PRKCA: variants seen among roughly 807,000 people sequenced by gnomAD.
PRKCA encodes protein kinase C alpha type.
In PRKCA, 27 loss-of-function variants were observed where a neutral mutation model predicts 87.0. That is an observed-to-expected ratio of 0.31 (90% CI 0.23 to 0.43). PRKCA has a LOEUF of 0.43. Among genes scored for constraint, PRKCA ranks in the 20% least tolerant of loss-of-function variants. The pLI, the probability that PRKCA is intolerant of heterozygous loss-of-function variation, is 1.00. For missense variants in PRKCA, 518 were observed against 852.3 expected (o/e 0.61, Z 4.88); for synonymous variants, 329 against 311.1 (o/e 1.06, Z -0.61).
chr17:66,459,909 A>G (rs1335571901), intron 2 of PRKCA, among the ~76,000 whole-genome samples: 1 of 152,144 alleles, frequency 6.6e-6, no homozygotes, highest in Admixed American at 6.5e-5. Context: ...TACATGGTAC[A>G]TGTGCAGGAA....
chr17:66,577,795 T>G (rs1463484645), intron 3 of PRKCA, among the ~76,000 whole-genome samples: 1 of 152,174 alleles, frequency 6.6e-6, no homozygotes, highest in Admixed American at 6.5e-5. Flanking sequence ...CTGCCACATT[T>G]ATCCTTAGAT....
chr17:66,629,140 A>C (rs1265569793), intron 3 of PRKCA, among the ~76,000 whole-genome samples: 1 of 152,210 alleles, frequency 6.6e-6, no homozygotes, highest in East Asian at 1.9e-4. Flanking sequence ...GGAGGTACCT[A>C]AAGAGACAGT....
intron 2 of PRKCA, among the ~76,000 whole-genome samples, chr17:66,340,237 G>T (rs1824303221): frequency 6.6e-6 from 1 of 152,210 alleles, no homozygotes; most frequent in East Asian, 1.9e-4. Flanking sequence ...CAAAGCAATG[G>T]CCTTTTGCTT....
intron 3 of PRKCA, among the ~76,000 whole-genome samples, chr17:66,603,962 C>G (rs1281938435): frequency 6.6e-6 from 1 of 152,178 alleles, no homozygotes; most frequent in East Asian, 1.9e-4. Flanking sequence ...AGTTTTAAGA[C>G]TGAATAGTAT....
chr17:66,739,630 C>A (rs1837017092), intron 11 of PRKCA, among the ~76,000 whole-genome samples: 1 of 152,152 alleles, frequency 6.6e-6, no homozygotes, highest in African/African-American at 2.4e-5. Flanking sequence ...GGAAGTGCAA[C>A]CCCACGAAAT....
At chr17:66,635,281 G>A (rs1971121401) in intron 3 of PRKCA, among the ~76,000 whole-genome samples, 1 of 152,168 alleles carries the variant, frequency 6.6e-6, no homozygotes, top group Non-Finnish European at 1.5e-5. Flanking sequence ...GAATTTGGTA[G>A]CTATCAGGAG....
At chr17:66,706,739 A>G (rs1190011520) in intron 8 of PRKCA, among the ~76,000 whole-genome samples, 2 of 152,140 alleles carry the variant, frequency 1.3e-5, no homozygotes, top group East Asian at 1.9e-4. Context: ...TCTGGTGCCT[A>G]TAAATAGATT....
intron 14 of PRKCA, among the ~76,000 whole-genome samples, chr17:66,786,121 C>G (rs1409412318): frequency 2.6e-5 from 4 of 152,234 alleles, no homozygotes; most frequent in African/African-American, 4.8e-5. Flanking sequence ...AGCCACCGCG[C>G]CCGGCCTGGA....
intron 2 of PRKCA, among the ~76,000 whole-genome samples, chr17:66,350,301 G>A (rs187019285): frequency 2.3e-4 from 35 of 152,202 alleles, no homozygotes; most frequent in African/African-American, 7.5e-4. Flanking sequence ...CAAATGAGCC[G>A]TCTGAGTGGT....
At chr17:66,468,915 G>A (rs1915204822) in intron 2 of PRKCA, among the ~76,000 whole-genome samples, 1 of 152,126 alleles carries the variant, frequency 6.6e-6, no homozygotes, top group Non-Finnish European at 1.5e-5. Context: ...TGTCTTCCCA[G>A]CAGAAATGTT....
chr17:66,418,354 T>G (rs1395962987), intron 2 of PRKCA, among the ~76,000 whole-genome samples: 1 of 152,102 alleles, frequency 6.6e-6, no homozygotes, highest in Non-Finnish European at 1.5e-5. Flanking sequence ...TACCAAATAA[T>G]ATACAGTAAA....
chr17:66,801,663 G>A (rs1191693285), intron 16 of PRKCA, among the ~76,000 whole-genome samples: 2 of 152,206 alleles, frequency 1.3e-5, no homozygotes, highest in African/African-American at 2.4e-5. Flanking sequence ...TTGGCTTTGA[G>A]GTACTTTGTG....
chr17:66,398,206 A>T (rs905054540), intron 2 of PRKCA: 1 of 152,184 alleles, frequency 6.6e-6, no homozygotes, highest in African/African-American at 2.4e-5. Context: ...TCCAAGCTCA[A>T]TATCTCTGAG....
chr17:66,537,886 A>G (rs1008515996), intron 3 of PRKCA, among the ~76,000 whole-genome samples: 3 of 151,838 alleles, frequency 2.0e-5, no homozygotes, highest in Non-Finnish European at 4.4e-5. Flanking sequence ...GCTCACTGCA[A>G]TCTCCACCTC....
intron 2 of PRKCA, among the ~76,000 whole-genome samples, chr17:66,362,359 C>T (rs1908435949): frequency 6.6e-6 from 1 of 152,162 alleles, no homozygotes; most frequent in Non-Finnish European, 1.5e-5. Context: ...CTCTTTCTCA[C>T]CTGTACCTTT....
chr17:66,401,528 C>T (rs1398544226), intron 2 of PRKCA, among the ~76,000 whole-genome samples: 1 of 152,136 alleles, frequency 6.6e-6, no homozygotes, highest in South Asian at 2.1e-4. Context: ...AAGCTCATGA[C>T]GCATTCAGTG....
In PRKCA at chr17:66,360,288, C is replaced by A. The variant is rs191460906; in HGVS notation, c.205+54161C>A. Among the ~76,000 whole-genome samples the A allele has an allele frequency of 1.4e-4, 21 of 152,234 alleles. No individual in the cohort carries two copies. In the East Asian group the frequency reaches 3.9e-3, roughly 28 times the overall value. ...TGAGGGGGTGACAGTGGGTATTGAT[C>A]CAAGCCAGCCCGCCCTTACTTGGTT... On this transcript the variant is annotated intron_variant, in intron 2 of 16. Coordinates refer to ENST00000413366, the MANE Select transcript of PRKCA (RefSeq NM_002737.3).
At chr17:66,787,068 C>T (rs1975417963) in intron 15 of PRKCA, 94 bp downstream of exon 15, 1 of 971,168 alleles carries the variant, frequency 1.0e-6, no homozygotes, top group Admixed American at 1.7e-5. Flanking sequence ...GGCAGAAACA[C>T]CACAAACCCA....
rs141897886 is a variant in PRKCA, at chr17:66,677,838, T to A, written c.530-9273T>A. 2.0e-5 allele frequency among the ~76,000 whole-genome samples: 3 copies of A among 152,338 alleles called. No individual in the cohort carries two copies. In the East Asian group the frequency reaches 5.8e-4, roughly 29 times the overall value. On this transcript the variant is annotated intron_variant, in intron 5 of 16. Transcript: ENST00000413366. Reference sequence around the variant, plus strand: ...AAAGGCCTCTTTGTTAATTCAGATATAACTCACAGGTCATAATATTCACCC... The same window carrying A: ...AAAGGCCTCTTTGTTAATTCAGATAAAACTCACAGGTCATAATATTCACCC...
Sources: gnomAD v4.1 joint callset for allele counts (sites outside exome capture counted in the v4.1 genomes callset) on GRCh38, gnomAD v4.1.1 for gene constraint, MANE v1.5 for transcripts, NCBI Gene and HGNC (gene_info 2026-07-23, HGNC 2026-07-21) for gene names.